VARS1: variants seen among roughly 807,000 people sequenced by gnomAD.
VARS1 encodes the protein valyl-tRNA synthetase 1, also known as valine--tRNA ligase.
In VARS1, 92 loss-of-function variants were observed where a neutral mutation model predicts 161.0. That is an observed-to-expected ratio of 0.57 (90% CI 0.48 to 0.68). The LOEUF (loss-of-function observed/expected upper bound fraction) is 0.68. VARS1 is among the 30% of genes least tolerant of loss of function. The pLI, the probability that VARS1 is intolerant of heterozygous loss-of-function variation, is 0.00. For synonymous variants in VARS1, 595 were observed against 682.5 expected, an observed-to-expected ratio of 0.87 and a Z score of 2.00; for missense variants, 1,338 against 1,695.9, an observed-to-expected ratio of 0.79 and a Z score of 3.71.
In VARS1 at chr6:31,779,474, G is replaced by A. The variant is rs751615975; in HGVS notation, c.3351C>T (p.Ala1117=). ...ALELALSITR[A]VRSLRADYNL... ...TGTAGTCGGCCCGCAGGGAGCGCACGGCTCGCGTGATGCTTAGCGCCAGCT... is the reference window on the plus strand; with the variant it reads ...TGTAGTCGGCCCGCAGGGAGCGCACAGCTCGCGTGATGCTTAGCGCCAGCT... The change falls in exon 28 of 30, where the codon GCC becomes GCT. Residue 1117 remains alanine (A), a synonymous_variant. Coordinates refer to ENST00000375663, the MANE Select transcript of VARS1 (RefSeq NM_006295.3). This position sits in a 1 kb window ranked among gnomAD's most constrained non-coding sequence, Gnocchi z 9.1. 21 of 1,612,668 alleles carry A rather than the reference G, an allele frequency of 1.3e-5. No individual in the cohort carries two copies. Among genetic ancestry groups the A allele is most frequent in the East Asian group, 2.2e-5 (1 of 44,884 alleles).
chr6:31,791,352 A>G lies in VARS1; in HGVS notation c.1100+258T>C, dbSNP rs1460921938. ...AAAGTGAAAACTCATCTTTACAAAA[A>G]ATTAAATTAAATTAAATTAAAATTA... On this transcript the variant is annotated intron_variant, in intron 8 of 29. Transcript: ENST00000375663. This position sits in a 1 kb window ranked among gnomAD's most constrained non-coding sequence, Gnocchi z 5.0. Among the ~76,000 whole-genome samples the G allele has an allele frequency of 1.3e-5, 2 of 152,084 alleles. No individual in the cohort carries two copies. Among genetic ancestry groups the G allele is most frequent in the African/African-American group, 4.8e-5 (2 of 41,430 alleles).
intron 2 of VARS1, among the ~76,000 whole-genome samples, chr6:31,793,813 G>A (rs926354431): frequency 6.6e-6 from 1 of 150,996 alleles, no homozygotes; most frequent in Non-Finnish European, 1.5e-5. Flanking sequence ...CAGAATGAGG[G>A]GAACAGGGGC....
Position 31,785,616 on chromosome 6 carries a change from C to G in VARS1, c.1218G>C (p.Gln406His). 6.2e-7 allele frequency: 1 copy of G among 1,612,794 alleles called. No homozygotes were observed. The highest frequency in any genetic ancestry group is 8.5e-7 in the Non-Finnish European group (1 of 1,179,926). Residue 406 changes from glutamine (Q) to histidine (H), a missense_variant, in exon 9 of 30, where the codon CAG becomes CAC. Transcript: ENST00000375663. The surrounding 1 kb of genome is among the most constrained non-coding windows in gnomAD (Gnocchi z 6.1). Reference sequence around the variant, plus strand: ...CCTGTAGAAAGGCCTCGCGGCCCAGCTGGTGCCGGCTCAGTCCCTGCTCAC... The same window carrying G: ...CCTGTAGAAAGGCCTCGCGGCCCAGGTGGTGCCGGCTCAGTCCCTGCTCAC... ...LWREQGLSRH[Q>H]LGREAFLQEV...
At chr6:31,790,192 G>A (rs999688809) in intron 8 of VARS1, among the ~76,000 whole-genome samples, 3 of 151,922 alleles carry the variant, frequency 2.0e-5, no homozygotes, top group Admixed American at 6.6e-5. Flanking sequence ...GTCCTGGGCC[G>A]CATGTGGCCC....
Position 31,785,583 on chromosome 6 carries a change from C to T in VARS1, c.1251G>A (p.Trp417Ter). The T allele has an allele frequency of 6.2e-7, 1 of 1,610,146 alleles. No homozygotes were observed. The highest frequency in any genetic ancestry group is 8.5e-7 in the Non-Finnish European group (1 of 1,178,682). The change falls in exon 9 of 30, where the codon TGG becomes TGA. Residue 417 changes from tryptophan to a stop codon, truncating the protein, a stop_gained. Transcript: ENST00000375663. LOFTEE classifies it high-confidence loss of function. The surrounding 1 kb of genome is among the most constrained non-coding windows in gnomAD (Gnocchi z 6.1). ...TGCATACTCACTCCTCCTTCCACTT[C>T]CAGACTTCCTGTAGAAAGGCCTCGC... is the stretch of plus-strand genomic sequence containing the variant. ...LGREAFLQEV[W>*]KWKEEKGDRI... is the part of the protein sequence containing the mutation.
At position 31,781,234 on chromosome 6, in the gene VARS1, G is replaced by A. The variant is rs2069614048; in HGVS notation, c.2545-111C>T. On this transcript the variant is annotated intron_variant, in intron 21 of 29. Transcript: ENST00000375663. The surrounding 1 kb of genome is among the most constrained non-coding windows in gnomAD (Gnocchi z 6.8). ...CCCACTGTGAACCTCAGGTCCCACT[G>A]AGTGTCCCCAAGAGCTCGTTGAGCG... 1 of 1,331,330 alleles carries A rather than the reference G, an allele frequency of 7.5e-7. No homozygotes were observed. Among genetic ancestry groups the A allele is most frequent in the Non-Finnish European group, 1.1e-6 (1 of 952,088 alleles). 82.5% of individuals were successfully genotyped at this position (1,331,330 alleles called of 1,614,324 possible).
At chr6:31,793,492 C>T (rs1029312953) in intron 2 of VARS1, among the ~76,000 whole-genome samples, 12 of 151,346 alleles carry the variant, frequency 7.9e-5, no homozygotes, top group East Asian at 7.8e-4. Context: ...GGCAACACAG[C>T]GAGACTCCGT....
chr6:31,782,749 GC>G lies in VARS1; in HGVS notation c.1858del (p.Ala620ProfsTer25). 6.2e-7 allele frequency: 1 copy of G among 1,612,968 alleles called. No individual in the cohort carries two copies. The highest frequency in any genetic ancestry group is 8.5e-7 in the Non-Finnish European group (1 of 1,179,996). The stretch of plus-strand genomic sequence containing the variant: ...GAAAGGCGGAGGCACATTGATGAGG[GC>G]CCCCCGGGAGTCCATGATGCTGATG... ...EAISIMDSRG[A>X]LINVPPPFLG... On this transcript the variant is annotated frameshift_variant, in exon 15 of 30. Transcript: ENST00000375663. LOFTEE classifies it high-confidence loss of function. The surrounding 1 kb of genome is among the most constrained non-coding windows in gnomAD (Gnocchi z 8.3).
chr6:31,779,227 C>T lies in VARS1; in HGVS notation c.3466G>A (p.Ala1156Thr), dbSNP rs1181320445. The T allele has an allele frequency of 6.2e-7, 1 of 1,606,752 alleles. No homozygotes were observed. The highest frequency in any genetic ancestry group is 2.2e-5 in the East Asian group (1 of 44,842). Residue 1156 changes from alanine (A) to threonine (T), a missense_variant, in exon 29 of 30, where the codon GCC becomes ACC. Transcript: ENST00000375663. This position sits in a 1 kb window ranked among gnomAD's most constrained non-coding sequence, Gnocchi z 9.1. ...LASAVSGYVQ[A>T]LASAGVVAVL... ...GCCACCACACCTGCGCTGGCCAGGG[C>T]CTGCACGTAGCCCGACACCGCCGAT...
At position 31,793,131 on chromosome 6, in the gene VARS1, G is replaced by A. The variant is rs375640268; in HGVS notation, c.388-11C>T. 2.9e-4 allele frequency: 453 copies of A among 1,580,566 alleles called. 10 individuals carry two copies. In the South Asian group the frequency reaches 4.5e-3, roughly 16 times the overall value. On this transcript the variant is annotated splice_polypyrimidine_tract_variant and intron_variant, in intron 2 of 29. Transcript: ENST00000375663. ...GGCCCCCAGCACAGCCTGGCAGGAA[G>A]GGGAAGAAGTGTGAGACAAGGTTTG...
At chr6:31,792,686 A>G (rs1315202146) in intron 4 of VARS1, 71 bp downstream of exon 4, 1 of 1,599,910 alleles carries the variant, frequency 6.3e-7, no homozygotes. Flanking sequence ...CATTTCTAGG[A>G]AAAAAAGAAA....
chr6:31,789,881 G>A lies in VARS1; in HGVS notation c.1100+1729C>T, dbSNP rs9267563. Among the ~76,000 whole-genome samples the A allele has an allele frequency of 4.1e-3, 622 of 151,806 alleles. 6 individuals are homozygous for A. Among genetic ancestry groups the A allele is most frequent in the Non-Finnish European group, 5.3e-3 (363 of 67,918 alleles). ...TAAAAATACAAAAAAAAAATTAGCC[G>A]GGCGTGGTGGTGGGCACCTGTAGTC... On this transcript the variant is annotated intron_variant, in intron 8 of 29. Transcript: ENST00000375663.
chr6:31,777,708 G>A lies in VARS1; in HGVS notation c.3727-46C>T. On this transcript the variant is annotated intron_variant, in intron 29 of 29. Coordinates refer to ENST00000375663, the MANE Select transcript of VARS1 (RefSeq NM_006295.3). This position sits in a 1 kb window ranked among gnomAD's most constrained non-coding sequence, Gnocchi z 5.8. ...GGGTGAGGACCCAGGTCCAAGTGAAGAGACCCCCAAACACCCAGGACAACA... is the reference window on the plus strand; with the variant it reads ...GGGTGAGGACCCAGGTCCAAGTGAAAAGACCCCCAAACACCCAGGACAACA... 1.3e-6 allele frequency: 2 copies of A among 1,593,844 alleles called. No homozygotes were observed. Among genetic ancestry groups the A allele is most frequent in the Non-Finnish European group, 1.7e-6 (2 of 1,168,888 alleles).
At position 31,777,616 on chromosome 6, in the gene VARS1, G is replaced by T; in HGVS notation, c.3773C>A (p.Ala1258Asp). Reference sequence around the variant, plus strand: ...GGATCACAGCATCTTCTGGAATAGGGCGATGGCCTCATCCACCTTCCTGAG... The same window carrying T: ...GGATCACAGCATCTTCTGGAATAGGTCGATGGCCTCATCCACCTTCCTGAG... ...AELRKVDEAI[A>D]LFQKML Residue 1258 changes from alanine (A) to aspartate (D), a missense_variant, in exon 30 of 30, where the codon GCC (alanine) becomes GAC (aspartate). By Grantham distance (126) the Ala-to-Asp change is moderately radical. Coordinates refer to ENST00000375663, the MANE Select transcript of VARS1 (RefSeq NM_006295.3). The surrounding 1 kb of genome is among the most constrained non-coding windows in gnomAD (Gnocchi z 5.8). 1 of 1,614,094 alleles carries T rather than the reference G, an allele frequency of 6.2e-7. No homozygotes were observed. Among genetic ancestry groups the T allele is most frequent in the Non-Finnish European group, 8.5e-7 (1 of 1,179,998 alleles).
In VARS1 at chr6:31,777,696, G is replaced by A; in HGVS notation, c.3727-34C>T. 1 of 1,604,532 alleles carries A rather than the reference G, an allele frequency of 6.2e-7. No individual in the cohort carries two copies. The highest frequency in any genetic ancestry group is 8.5e-7 in the Non-Finnish European group (1 of 1,175,250). On this transcript the variant is annotated intron_variant, in intron 29 of 29. Transcript: ENST00000375663. The surrounding 1 kb of genome is among the most constrained non-coding windows in gnomAD (Gnocchi z 5.8). ...GAACCAGGGGGTGGGTGAGGACCCA[G>A]GTCCAAGTGAAGAGACCCCCAAACA... is the stretch of plus-strand genomic sequence containing the variant.
chr6:31,784,866 G>T lies in VARS1; in HGVS notation c.1348-152C>A, dbSNP rs909560541. The T allele has an allele frequency of 1.7e-6, 2 of 1,157,204 alleles. No homozygotes were observed. Among genetic ancestry groups the T allele is most frequent in the African/African-American group, 1.6e-5 (1 of 64,404 alleles). 71.7% of individuals were successfully genotyped at this position (1,157,204 alleles called of 1,614,324 possible). A position where few individuals can be genotyped will look rare whatever the true frequency, so the allele number is the denominator to read the frequency against. On this transcript the variant is annotated intron_variant, in intron 10 of 29. Coordinates refer to ENST00000375663, the MANE Select transcript of VARS1 (RefSeq NM_006295.3). The surrounding 1 kb of genome is among the most constrained non-coding windows in gnomAD (Gnocchi z 6.1). ...GGGAGTACTTTCCTTCTTTCCTTGA[G>T]GGGGAGAGAGGACTAAGGGAACACA... is the stretch of plus-strand genomic sequence containing the variant.
Position 31,783,685 on chromosome 6 carries a change from G to C in VARS1, c.1672-499C>G, listed in dbSNP as rs189530601. ...TTAACTTTTTTTTTTTTTTTGAGAC[G>C]GAGTCTCGCTCTGTCACCAAGGCTG... On this transcript the variant is annotated intron_variant, in intron 13 of 29. Transcript: ENST00000375663. Among the ~76,000 whole-genome samples the C allele has an allele frequency of 4.5e-3, 648 of 142,536 alleles. 4 individuals carry two copies. Among genetic ancestry groups the C allele is most frequent in the African/African-American group, 0.016 (613 of 37,948 alleles). The allele number at this position is 142,536 out of a possible 152,430, so 93.5% of individuals were successfully genotyped here. A position where few individuals can be genotyped will look rare whatever the true frequency, so the allele number is the denominator to read the frequency against.
chr6:31,787,656 A>C (rs182517410), intron 8 of VARS1, among the ~76,000 whole-genome samples: 46 of 151,826 alleles, frequency 3.0e-4, no homozygotes, highest in Admixed American at 2.8e-3. Context: ...ATTAAAAAAA[A>C]AAAAGTAGTC....
chr6:31,787,270 C>T lies in VARS1; in HGVS notation c.1101-1537G>A, dbSNP rs1277271292. Among the ~76,000 whole-genome samples, 4 of 152,128 alleles carry T rather than the reference C, an allele frequency of 2.6e-5. No homozygotes were observed. In the East Asian group the frequency reaches 7.7e-4, roughly 29 times the overall value. On this transcript the variant is annotated intron_variant, in intron 8 of 29. Transcript: ENST00000375663. ...AATAAAAAGTTGATATAACTCTATT[C>T]CATTAAAGTAATGGGAGTGTCTCAC...
Sources: allele counts gnomAD v4.1 joint callset (sites outside exome capture counted in the v4.1 genomes callset), GRCh38; gene constraint gnomAD v4.1.1; non-coding constraint Gnocchi (gnomAD v3.1); transcripts MANE v1.5; gene names NCBI Gene and HGNC (gene_info 2026-07-23, HGNC 2026-07-21).